Variants in HDLBP observed in about 807,000 individuals in gnomAD.
The protein encoded by HDLBP is vigilin.
HDLBP carries 30 observed loss-of-function variants against 137.3 expected under a neutral mutation model. The observed-to-expected ratio is 0.22, with a 90% CI of 0.16 to 0.30. The LOEUF is 0.30. HDLBP is among the 10% of genes least tolerant of loss of function. The pLI, the probability that HDLBP is intolerant of heterozygous loss-of-function variation, is 1.00. For missense variants in HDLBP, 1,119 were observed against 1,667.3 expected, an observed-to-expected ratio of 0.67 and a Z score of 5.73; for synonymous variants, 606 against 596.0, an observed-to-expected ratio of 1.02 and a Z score of -0.24.
At chr2:241,235,953 C>T (rs1339651616) in intron 21 of HDLBP, among the ~76,000 whole-genome samples, 1 of 152,112 alleles carries the variant, frequency 6.6e-6, no homozygotes. Context: ...CGGACCACTA[C>T]TCACCTTCCC....
In HDLBP at chr2:241,272,299, C is replaced by G; in HGVS notation, c.-102-3758G>C. 3 of 981,872 alleles carry G rather than the reference C, an allele frequency of 3.1e-6. No homozygotes were observed. Among genetic ancestry groups the G allele is most frequent in the Non-Finnish European group, 3.6e-6 (3 of 827,042 alleles). 60.8% of individuals were successfully genotyped at this position (981,872 alleles called of 1,614,324 possible). Reference sequence around the variant, plus strand: ...GGCCTCCCAGGGACCCCCACCCTGGCCGCACACGGCGCCCCCGCCGGAGCG... The same window carrying G: ...GGCCTCCCAGGGACCCCCACCCTGGGCGCACACGGCGCCCCCGCCGGAGCG... On this transcript the variant is annotated intron_variant, in intron 1 of 27. Coordinates refer to ENST00000310931, the MANE Select transcript of HDLBP (RefSeq NM_005336.6). The surrounding 1 kb of genome is among the most constrained non-coding windows in gnomAD (Gnocchi z 5.6).
intron 5 of HDLBP, among the ~76,000 whole-genome samples, chr2:241,257,666 A>C (rs759299013): frequency 1.2e-4 from 19 of 152,250 alleles, no homozygotes; most frequent in Non-Finnish European, 2.9e-5. Flanking sequence ...CAGAAGGTTT[A>C]AGTAGATGGC....
At chr2:241,277,134 A>G (rs979776996) in intron 1 of HDLBP, among the ~76,000 whole-genome samples, 1 of 152,298 alleles carries the variant, frequency 6.6e-6, no homozygotes, top group Non-Finnish European at 1.5e-5. Flanking sequence ...ACAAGGAAGA[A>G]ATCTGAAAAC....
intron 1 of HDLBP, among the ~76,000 whole-genome samples, chr2:241,292,483 T>G (rs2075042038): frequency 6.6e-6 from 1 of 152,230 alleles, no homozygotes; most frequent in Non-Finnish European, 1.5e-5. Context: ...AAACAAAGTG[T>G]AAAAAGGCTT....
chr2:241,235,645 CGTT>C (rs775245937), intron 21 of HDLBP, 51 bp from the exon 22 acceptor site: 26 of 1,320,838 alleles, frequency 2.0e-5, no homozygotes, highest in Non-Finnish European at 2.6e-5. Flanking sequence ...AGCAGAGTGA[CGTT>C]GTAAGCTCAG....
chr2:241,281,260 G>T (rs907895709), intron 1 of HDLBP, among the ~76,000 whole-genome samples: 1 of 152,090 alleles, frequency 6.6e-6, no homozygotes, highest in African/African-American at 2.4e-5. Flanking sequence ...AGGCTGAGGT[G>T]GGAGAATCGC....
intron 1 of HDLBP, among the ~76,000 whole-genome samples, chr2:241,282,288 G>A (rs953923044): frequency 6.6e-6 from 1 of 152,186 alleles, no homozygotes; most frequent in African/African-American, 2.4e-5. Flanking sequence ...CAAGTGAAAA[G>A]TAGAATAAGA....
chr2:241,281,165 G>C (rs1334476501), intron 1 of HDLBP, among the ~76,000 whole-genome samples: 1 of 152,176 alleles, frequency 6.6e-6, no homozygotes, highest in Admixed American at 6.5e-5. Flanking sequence ...AGATCAGCCT[G>C]ACCAACAGGG....
rs904761760 is a variant in HDLBP, at chr2:241,235,649, G to T, written c.2905-55C>A. 8 of 1,284,124 alleles carry T rather than the reference G, an allele frequency of 6.2e-6. No individual in the cohort carries two copies. In the East Asian group the frequency reaches 1.2e-4, roughly 19 times the overall value. The allele number at this position is 1,284,124 out of a possible 1,614,324, so 79.5% of individuals were successfully genotyped here. A position where few individuals can be genotyped will look rare whatever the true frequency, so the allele number is the denominator to read the frequency against. On this transcript the variant is annotated intron_variant, in intron 21 of 27. Coordinates refer to ENST00000310931, the MANE Select transcript of HDLBP (RefSeq NM_005336.6). Reference sequence around the variant, plus strand: ...TGGGAGCTGAGAGCAGAGTGACGTTGTAAGCTCAGCAATGGGGCTCCACGA... The same window carrying T: ...TGGGAGCTGAGAGCAGAGTGACGTTTTAAGCTCAGCAATGGGGCTCCACGA...
At chr2:241,243,563 C>G (rs1319480494) in intron 16 of HDLBP, 1 of 152,536 alleles carries the variant, frequency 6.6e-6, no homozygotes, top group African/African-American at 2.4e-5. Context: ...AGCTCAGTCA[C>G]CAGGAAACAG....
intron 1 of HDLBP, among the ~76,000 whole-genome samples, chr2:241,281,316 T>TGCACTCCAGCCTGTGCAACAGGAGTGAAA (rs2074592793): frequency 3.3e-5 from 5 of 151,376 alleles, no homozygotes; most frequent in African/African-American, 1.2e-4. Context: ...ATCGCGCCAT[T>TGCACTCCAGCCTGTGCAACAGGAGTGAAA]GCACTCCAGC....
At chr2:241,273,713 G>A in intron 1 of HDLBP, 7 of 966,314 alleles carry the variant, frequency 7.2e-6, no homozygotes, top group Non-Finnish European at 7.4e-6. Flanking sequence ...GTCCCACACA[G>A]GGGAAGAGGT....
chr2:241,290,326 A>C (rs1315336753), intron 1 of HDLBP, among the ~76,000 whole-genome samples: 1 of 152,192 alleles, frequency 6.6e-6, no homozygotes, highest in Non-Finnish European at 1.5e-5. Context: ...AAACATCAGA[A>C]GAGGCCGGGT....
chr2:241,272,423 A>C lies in HDLBP; in HGVS notation c.-102-3882T>G. 2 of 984,082 alleles carry C rather than the reference A, an allele frequency of 2.0e-6. No individual in the cohort carries two copies. Among genetic ancestry groups the C allele is most frequent in the Non-Finnish European group, 2.4e-6 (2 of 829,526 alleles). The allele number at this position is 984,082 out of a possible 1,614,324, so 61.0% of individuals were successfully genotyped here. On this transcript the variant is annotated intron_variant, in intron 1 of 27. Transcript: ENST00000310931. The surrounding 1 kb of genome is among the most constrained non-coding windows in gnomAD (Gnocchi z 5.6). ...CACGGCACCAGGGGTGCCCCACCGA[A>C]GCCCCGGGAGGAGGCGGGGGAGCCC...
intron 5 of HDLBP, among the ~76,000 whole-genome samples, chr2:241,261,480 T>C (rs1181546682): frequency 1.3e-5 from 2 of 152,212 alleles, no homozygotes; most frequent in Non-Finnish European, 2.9e-5. Flanking sequence ...CACAATAATG[T>C]ATCTGGGATT....
In HDLBP at chr2:241,273,137, C is replaced by CCA. The variant is rs929482461; in HGVS notation, c.-102-4598_-102-4597dup. ...ACGGCTGCTCTGGAAGCAGATGTCA[C>CCA]CAGTACCGCCCACCTCCCCAAAATC... On this transcript the variant is annotated intron_variant, in intron 1 of 27. Coordinates refer to ENST00000310931, the MANE Select transcript of HDLBP (RefSeq NM_005336.6). The CCA allele has an allele frequency of 3.0e-6, 3 of 985,368 alleles. No individual in the cohort carries two copies. In the African/African-American group the frequency reaches 5.2e-5, roughly 17 times the overall value. 61.0% of individuals were successfully genotyped at this position (985,368 alleles called of 1,614,324 possible).
intron 1 of HDLBP, among the ~76,000 whole-genome samples, chr2:241,290,520 G>C (rs1444277082): frequency 1.3e-5 from 2 of 151,948 alleles, no homozygotes; most frequent in Non-Finnish European, 2.9e-5. Context: ...TGAGGCAGGA[G>C]AAATGCTTGA....
rs1011131706 is a variant in HDLBP at position 241,240,955 on chromosome 2, TAAC to T, written c.2170-836_2170-834del. Among the ~76,000 whole-genome samples the T allele has an allele frequency of 1.3e-5, 2 of 152,228 alleles. No homozygotes were observed. The highest frequency in any genetic ancestry group is 4.8e-5 in the African/African-American group (2 of 41,538). On this transcript the variant is annotated intron_variant, in intron 17 of 27. Transcript: ENST00000310931. This position sits in a 1 kb window ranked among gnomAD's most constrained non-coding sequence, Gnocchi z 5.5. ...AACATGCTAGCACAAAAATATTAAA[TAAC>T]AACTTTGCTACCTTTTAAGTGCAGG...
intron 23 of HDLBP, among the ~76,000 whole-genome samples, chr2:241,234,581 C>T (rs2070177860): frequency 6.6e-6 from 1 of 152,232 alleles, no homozygotes; most frequent in Admixed American, 6.5e-5. Flanking sequence ...GTTCCAGAAC[C>T]CCTGCTCCTG....
Sources: allele counts gnomAD v4.1 joint callset (sites outside exome capture counted in the v4.1 genomes callset), GRCh38; gene constraint gnomAD v4.1.1; non-coding constraint Gnocchi (gnomAD v3.1); transcripts MANE v1.5; gene names NCBI Gene and HGNC (gene_info 2026-07-23, HGNC 2026-07-21).